Variants in TCF3 observed in about 807,000 individuals in gnomAD.
TCF3 encodes transcription factor 3, also known as transcription factor E2-alpha.
In TCF3, 54 loss-of-function variants were observed where a neutral mutation model predicts 72.3. The ratio of observed to expected loss-of-function variants is 0.75; its 90% CI spans 0.60 to 0.94. The LOEUF is 0.94. Among genes scored for constraint, TCF3 ranks in the 40% least tolerant of loss-of-function variants. TCF3 has a pLI of 0.00. For synonymous variants in TCF3, 525 were observed against 412.6 expected (o/e 1.27, Z -3.30); for missense variants, 1,078 against 934.4 (o/e 1.15, Z -2.00).
Position 1,652,390 on chromosome 19 carries a change from G to C in TCF3, c.-130C>G, listed in dbSNP as rs1201273674. Reference sequence around the variant, plus strand: ...CCCCGGACAAAGGTGCGTCGCGGCCGGGCCCCCGAGGGTCGCGCGTGGGCG... The same window carrying C: ...CCCCGGACAAAGGTGCGTCGCGGCCCGGCCCCCGAGGGTCGCGCGTGGGCG... On this transcript the variant is annotated 5_prime_UTR_variant, in exon 1 of 19. Coordinates refer to ENST00000262965, the MANE Select transcript of TCF3 (RefSeq NM_003200.5). 2.1e-5 allele frequency: 3 copies of C among 141,860 alleles called. No individual in the cohort carries two copies. Among genetic ancestry groups the C allele is most frequent in the African/African-American group, 7.6e-5 (3 of 39,318 alleles). 8.8% of individuals were successfully genotyped at this position (141,860 alleles called of 1,614,324 possible).
chr19:1,635,775 CCTG>C (rs1303569247), intron 3 of TCF3, among the ~76,000 whole-genome samples: 1 of 152,182 alleles, frequency 6.6e-6, no homozygotes, highest in Non-Finnish European at 1.5e-5. Context: ...ATGGCTAATG[CCTG>C]CTGTACTGAA....
chr19:1,643,382 A>G (rs1429981674), intron 3 of TCF3, among the ~76,000 whole-genome samples: 2 of 152,086 alleles, frequency 1.3e-5, no homozygotes, highest in Non-Finnish European at 2.9e-5. Context: ...CACCACGCCC[A>G]GCTAATTTTT....
chr19:1,623,857 A>G, intron 8 of TCF3, 94 bp downstream of exon 8: 1 of 1,337,942 alleles, frequency 7.5e-7, no homozygotes, highest in Non-Finnish European at 1.0e-6. Flanking sequence ...CTCAGGGCCC[A>G]CCCCGCCATG....
intron 3 of TCF3, among the ~76,000 whole-genome samples, chr19:1,641,206 A>G (rs904201634): frequency 6.6e-6 from 1 of 152,202 alleles, no homozygotes; most frequent in Non-Finnish European, 1.5e-5. Flanking sequence ...AAAAGAAAAA[A>G]AAAAGATACA....
chr19:1,640,431 A>G (rs2065070074), intron 3 of TCF3, among the ~76,000 whole-genome samples: 2 of 152,324 alleles, frequency 1.3e-5, no homozygotes, highest in Middle Eastern at 3.4e-3. Context: ...CTTCTTTACC[A>G]GTAAAATACG....
intron 5 of TCF3, among the ~76,000 whole-genome samples, chr19:1,630,529 G>A (rs1286018332): frequency 4.6e-5 from 7 of 152,192 alleles, no homozygotes; most frequent in African/African-American, 1.2e-4. Context: ...TTCCCCGCAA[G>A]CCAACAATGC....
chr19:1,632,341 G>A lies in TCF3; in HGVS notation c.210C>T (p.Asp70=), dbSNP rs1288205223. 1.3e-6 allele frequency: 2 copies of A among 1,587,994 alleles called. No individual in the cohort carries two copies. Among genetic ancestry groups the A allele is most frequent in the Non-Finnish European group, 8.6e-7 (1 of 1,167,336 alleles). Reference sequence around the variant, plus strand: ...TCACGGGGACTCCTACCCGGCTGGGGTCAAAGGAGGAGCTGCTCTGGTCGC... The same window carrying A: ...TCACGGGGACTCCTACCCGGCTGGGATCAAAGGAGGAGCTGCTCTGGTCGC... ...GSGDQSSSSF[D]PSRTFSEGTH... is the part of the protein sequence containing the mutation. Residue 70 remains aspartate (D), a synonymous_variant, in exon 4 of 19, where the codon GAC becomes GAT. Coordinates refer to ENST00000262965, the MANE Select transcript of TCF3 (RefSeq NM_003200.5).
chr19:1,611,607 T>G lies in TCF3; in HGVS notation c.*100A>C. Reference sequence around the variant, plus strand: ...TGGCTCGATGCTGACAACAGGTGTGTGAGGTGTGGATGTGGATGAAGCCCG... The same window carrying G: ...TGGCTCGATGCTGACAACAGGTGTGGGAGGTGTGGATGTGGATGAAGCCCG... On this transcript the variant is annotated 3_prime_UTR_variant, in exon 19 of 19. Coordinates refer to ENST00000262965, the MANE Select transcript of TCF3 (RefSeq NM_003200.5). 44 of 1,462,328 alleles carry G rather than the reference T, an allele frequency of 3.0e-5. No individual in the cohort carries two copies. The highest frequency in any genetic ancestry group is 3.8e-5 in the Non-Finnish European group (41 of 1,085,926). The allele number at this position is 1,462,328 out of a possible 1,614,324, so 90.6% of individuals were successfully genotyped here.
rs767040471 is a variant in TCF3 at position 1,621,959 on chromosome 19, C to T, written c.834G>A (p.Leu278=). The stretch of plus-strand genomic sequence containing the variant: ...GCCCACCGTTCACCTCTGCTCCATG[C>T]AGCTGGTAGCCCTGGGGGGTCAGGC... The part of the protein sequence containing the change: ...LHQHERMGYQ[L]HGAEVNGGLP... Residue 278 remains leucine, a synonymous_variant, in exon 11 of 19, where the codon CTG becomes CTA. Transcript: ENST00000262965. 6 of 1,605,810 alleles carry T rather than the reference C, an allele frequency of 3.7e-6. No homozygotes were observed. In the South Asian group the frequency reaches 6.7e-5, roughly 18 times the overall value.
chr19:1,621,462 T>C (rs73919276), intron 11 of TCF3, among the ~76,000 whole-genome samples: 1,584 of 151,290 alleles, frequency 0.01, 29 homozygotes, highest in African/African-American at 0.036. Context: ...GGTGAGTCCC[T>C]CTCTGGGCCT....
At chr19:1,647,831 C>T (rs1184879200) in intron 2 of TCF3, among the ~76,000 whole-genome samples, 1 of 152,230 alleles carries the variant, frequency 6.6e-6, no homozygotes, top group African/African-American at 2.4e-5. Context: ...GAACAGCCCC[C>T]GCACCCCTTG....
intron 3 of TCF3, among the ~76,000 whole-genome samples, chr19:1,636,453 G>A (rs1166841797): frequency 2.0e-5 from 3 of 152,084 alleles, no homozygotes; most frequent in Non-Finnish European, 2.9e-5. Context: ...GAGCCACAAC[G>A]CCTGGTGAAT....
chr19:1,646,250 T>C (rs2066076976), intron 3 of TCF3, 105 bp downstream of exon 3: 5 of 1,241,800 alleles, frequency 4.0e-6, no homozygotes, highest in Admixed American at 2.2e-5. Context: ...CCTTTCCCCA[T>C]TGTCTCCCTC....
In TCF3 at chr19:1,627,396, G is replaced by C; in HGVS notation, c.329C>G (p.Ser110Cys). 1 of 1,612,098 alleles carries C rather than the reference G, an allele frequency of 6.2e-7. No homozygotes were observed. The highest frequency in any genetic ancestry group is 8.5e-7 in the Non-Finnish European group (1 of 1,179,754). The change falls in exon 6 of 19, where the codon TCC becomes TGC. Residue 110 changes from serine (S) to cysteine (C), a missense_variant. Physicochemically the swap from Ser to Cys is moderately radical, Grantham distance 112. Coordinates refer to ENST00000262965, the MANE Select transcript of TCF3 (RefSeq NM_003200.5). Reference protein sequence around the residue: ...GKSGERGAYASFGRDAGVGGL... With the variant: ...GKSGERGAYACFGRDAGVGGL... ...GCCCACGCCTGCGTCTCTCCCGAAG[G>C]AGGCATAGGCGCCCCGCTCACCGCT...
chr19:1,648,894 C>A (rs928793036), intron 2 of TCF3, among the ~76,000 whole-genome samples: 5 of 152,144 alleles, frequency 3.3e-5, no homozygotes, highest in Admixed American at 2.6e-4. Flanking sequence ...CTGGGCTTCT[C>A]CAGGAACCCA....
intron 2 of TCF3, among the ~76,000 whole-genome samples, chr19:1,647,710 G>A (rs1240566410): frequency 6.6e-6 from 1 of 152,198 alleles, no homozygotes; most frequent in Non-Finnish European, 1.5e-5. Flanking sequence ...ACAGCCAACT[G>A]CATTTCTATC....
At chr19:1,625,979 G>T (rs1366492114) in intron 6 of TCF3, among the ~76,000 whole-genome samples, 1 of 152,226 alleles carries the variant, frequency 6.6e-6, no homozygotes, top group Non-Finnish European at 1.5e-5. Flanking sequence ...CCCCGATTCT[G>T]AGACGCAAAG....
chr19:1,650,131 G>A (rs767138292), intron 2 of TCF3, 46 bp downstream of exon 2: 3 of 1,512,828 alleles, frequency 2.0e-6, no homozygotes, highest in Non-Finnish European at 2.7e-6. Flanking sequence ...CCCGTGAACT[G>A]TGGAGGCAAA....
chr19:1,627,486 C>T (rs922080930), intron 5 of TCF3, 60 bp from the exon 6 acceptor site: 118 of 1,506,668 alleles, frequency 7.8e-5, no homozygotes, highest in African/African-American at 3.7e-4. Flanking sequence ...TGAGGGCCCC[C>T]GAGTGCCTGC....
Sources: allele counts gnomAD v4.1 joint callset (sites outside exome capture counted in the v4.1 genomes callset), GRCh38; gene constraint gnomAD v4.1.1; transcripts MANE v1.5; gene names NCBI Gene and HGNC (gene_info 2026-07-23, HGNC 2026-07-21).